The following ACTA2 variants were observed in gnomAD, a reference collection of about 807,000 sequenced individuals.
ACTA2 encodes actin, aortic smooth muscle.
In ACTA2, 12 loss-of-function variants were observed where a neutral mutation model predicts 39.5. That is an observed-to-expected ratio of 0.30 (90% CI 0.19 to 0.49). ACTA2 has a LOEUF of 0.49. Among genes scored for constraint, ACTA2 ranks in the 20% least tolerant of loss-of-function variants. The pLI is 0.99. For synonymous variants in ACTA2, 158 were observed against 180.6 expected (o/e 0.88, Z 1.00); for missense variants, 236 against 498.8 (o/e 0.47, Z 5.02).
intron 1 of ACTA2, among the ~76,000 whole-genome samples, chr10:88,981,425 G>A (rs186902729): frequency 1.5e-4 from 23 of 151,104 alleles, no homozygotes; most frequent in African/African-American, 4.9e-4. Context: ...ATCTTCCATC[G>A]TCGTGATTTA....
chr10:88,979,172 T>C (rs1846647129), intron 1 of ACTA2, among the ~76,000 whole-genome samples: 1 of 152,088 alleles, frequency 6.6e-6, no homozygotes, highest in South Asian at 2.1e-4. Flanking sequence ...TCTACTAAGC[T>C]GGTTTTAATG....
intron 4 of ACTA2, 106 bp from the exon 5 acceptor site, chr10:88,941,975 G>T: frequency 9.7e-7 from 1 of 1,034,090 alleles, no homozygotes; most frequent in Non-Finnish European, 1.5e-6. Context: ...GACCTGTTCT[G>T]GGCAGAGGAG....
chr10:88,979,149 A>G (rs61852572), intron 1 of ACTA2, among the ~76,000 whole-genome samples: 15,495 of 152,136 alleles, frequency 0.1, 1,050 homozygotes, highest in Non-Finnish European at 0.15. Context: ...TTAAAATTAT[A>G]GATTCTTTAG....
At chr10:88,982,339 G>C (rs142555320) in intron 1 of ACTA2, among the ~76,000 whole-genome samples, 156 of 152,280 alleles carry the variant, frequency 1.0e-3, no homozygotes, top group African/African-American at 3.5e-3. Flanking sequence ...GCAATTAAAA[G>C]TTGCATGTGT....
chr10:88,953,436 G>A (rs969694282), upstream of ACTA2, among the ~76,000 whole-genome samples: 8 of 152,144 alleles, frequency 5.3e-5, no homozygotes, highest in African/African-American at 1.9e-4. Context: ...TGGTGCATTA[G>A]CTTTGTCTAC....
intron 6 of ACTA2, chr10:88,940,781 CAT>C (rs1314337509): frequency 1.6e-5 from 4 of 254,036 alleles, no homozygotes; most frequent in Non-Finnish European, 2.3e-5. Context: ...TGATAACAAT[CAT>C]GTGATATAGG....
intron 1 of ACTA2, among the ~76,000 whole-genome samples, chr10:88,985,588 T>G (rs1846856291): frequency 6.6e-6 from 1 of 152,180 alleles, no homozygotes; most frequent in Non-Finnish European, 1.5e-5. Flanking sequence ...ATTATCTCCC[T>G]CAAGCTGTCC....
At chr10:88,957,231 A>G (rs1014159503), upstream of ACTA2, among the ~76,000 whole-genome samples, 1 of 152,186 alleles carries the variant, frequency 6.6e-6, no homozygotes, top group Non-Finnish European at 1.5e-5. Context: ...TGTCTAGATA[A>G]TGTAATGTAT....
intron 1 of ACTA2, among the ~76,000 whole-genome samples, chr10:88,981,081 T>TTG (rs1846699519): frequency 6.6e-6 from 1 of 152,082 alleles, no homozygotes; most frequent in Non-Finnish European, 1.5e-5. Flanking sequence ...TGCGAGGAAG[T>TTG]CAGCACAAGC....
chr10:88,937,913 C>T, intron 8 of ACTA2, 148 bp downstream of exon 8: 1 of 847,036 alleles, frequency 1.2e-6, no homozygotes, highest in Non-Finnish European at 1.9e-6. Context: ...GACTTACATC[C>T]TGTAAAATAT....
chr10:88,957,928 T>C (rs547879065), intron 1 of ACTA2, among the ~76,000 whole-genome samples: 1 of 152,124 alleles, frequency 6.6e-6, no homozygotes, highest in South Asian at 2.1e-4. Flanking sequence ...CCACTGTGCC[T>C]GGCTAATTTT....
intron 1 of ACTA2, among the ~76,000 whole-genome samples, chr10:88,972,154 G>A (rs1157446813): frequency 4.6e-5 from 7 of 152,016 alleles, no homozygotes; most frequent in Non-Finnish European, 7.4e-5. Flanking sequence ...TGATCCACCC[G>A]CCTCAGCCTC....
chr10:88,949,208 G>A (rs1846007267), intron 1 of ACTA2, among the ~76,000 whole-genome samples: 1 of 152,136 alleles, frequency 6.6e-6, no homozygotes, highest in African/African-American at 2.4e-5. Context: ...GGCATATCAT[G>A]TGTTCTCGTG....
chr10:88,962,975 AT>A (rs1846260044), intron 1 of ACTA2, among the ~76,000 whole-genome samples: 5 of 89,228 alleles, frequency 5.6e-5, no homozygotes, highest in Non-Finnish European at 6.8e-5. Context: ...ATATATATAT[AT>A]AATATTTTTT....
chr10:88,969,127 T>TATAA (rs1159159329), intron 1 of ACTA2, among the ~76,000 whole-genome samples: 1 of 152,168 alleles, frequency 6.6e-6, no homozygotes, highest in African/African-American at 2.4e-5. Context: ...GACAAACACT[T>TATAA]TTATAAGTAG....
chr10:88,951,246 G>A (rs548597489), intron 1 of ACTA2, among the ~76,000 whole-genome samples: 1 of 152,194 alleles, frequency 6.6e-6, no homozygotes, highest in Admixed American at 6.5e-5. Context: ...CAGCCCCAGG[G>A]GATAAGCAGG....
At chr10:88,973,088 A>G in intron 1 of ACTA2, 1 of 1,384,210 alleles carries the variant, frequency 7.2e-7, no homozygotes, top group Non-Finnish European at 9.7e-7. Context: ...TCAAAAAATA[A>G]TTTTAACTTC....
intron 6 of ACTA2, 162 bp from the exon 7 acceptor site, chr10:88,939,860 G>C: frequency 1.4e-6 from 1 of 722,170 alleles, no homozygotes; most frequent in East Asian, 2.7e-5. Context: ...GACGTAGTAG[G>C]GCCACCAGGG....
At chr10:88,964,528 A>G (rs1382862246) in intron 1 of ACTA2, among the ~76,000 whole-genome samples, 1 of 152,214 alleles carries the variant, frequency 6.6e-6, no homozygotes, top group African/African-American at 2.4e-5. Flanking sequence ...TCTTCAGGCA[A>G]GCAAGGGCCT....
Sources: allele counts gnomAD v4.1 joint callset (sites outside exome capture counted in the v4.1 genomes callset), GRCh38; gene constraint gnomAD v4.1.1; transcripts MANE v1.5; gene names NCBI Gene and HGNC (gene_info 2026-07-23, HGNC 2026-07-21).